Variants in ATP1A3 observed in about 807,000 individuals in gnomAD.
ATP1A3 encodes ATPase Na+/K+ transporting subunit alpha 3.
In ATP1A3, 12 loss-of-function variants were observed where a neutral mutation model predicts 108.8. That is an observed-to-expected ratio of 0.11 (90% CI 0.07 to 0.18). The LOEUF (loss-of-function observed/expected upper bound fraction) is 0.18, where lower values mean the gene tolerates loss of function less well. ATP1A3 is among the 10% of genes least tolerant of loss of function. The probability of loss-of-function intolerance (pLI) is 1.00; values close to 1 mark genes in which losing one functional copy is unlikely to be tolerated. For missense variants in ATP1A3, 498 were observed against 1,387.7 expected (o/e 0.36, Z 10.19); for synonymous variants, 539 against 564.5 (o/e 0.95, Z 0.64).
intron 1 of ATP1A3, chr19:41,993,154 A>AC: frequency 2.1e-5 from 1 of 47,648 alleles, no homozygotes; most frequent in Non-Finnish European, 4.4e-5. Flanking sequence ...ACCTACCCCC[A>AC]CCCACCCCCT....
rs782167048 is a variant in ATP1A3 at position 41,988,273 on chromosome 19, C to T, written c.153+45G>A. The stretch of plus-strand genomic sequence containing the variant: ...GACCCAGGGGTCCTAGCCCCCAGCT[C>T]CTCCTCCCTAGTTCCCAGGGTCCCA... On this transcript the variant is annotated intron_variant, in intron 3 of 22. Coordinates refer to ENST00000648268, the MANE Select transcript of ATP1A3 (RefSeq NM_152296.5). This position sits in a 1 kb window ranked among gnomAD's most constrained non-coding sequence, Gnocchi z 5.3. 12 of 1,613,822 alleles carry T rather than the reference C, an allele frequency of 7.4e-6. No individual in the cohort carries two copies. In the East Asian group the frequency reaches 2.2e-4, roughly 30 times the overall value.
rs1403260391 is a variant in ATP1A3 at position 41,981,057 on chromosome 19, C to A, written c.1437+445G>T. On this transcript the variant is annotated intron_variant, in intron 11 of 22. Coordinates refer to ENST00000648268, the MANE Select transcript of ATP1A3 (RefSeq NM_152296.5). The surrounding 1 kb of genome is among the most constrained non-coding windows in gnomAD (Gnocchi z 5.0). ...CTGTCACCCAGGCTGGAGTACAGTG[C>A]GTGATGTAGGCTCTCTGCAGCCCCA... Among the ~76,000 whole-genome samples, 1 of 149,714 alleles carries A rather than the reference C, an allele frequency of 6.7e-6. No individual in the cohort carries two copies. Among genetic ancestry groups the A allele is most frequent in the Non-Finnish European group, 1.5e-5 (1 of 67,574 alleles).
Position 41,969,536 on chromosome 19 carries a change from G to A in ATP1A3, c.2587C>T (p.Leu863=), listed in dbSNP as rs1555859316. 3 of 1,614,026 alleles carry A rather than the reference G, an allele frequency of 1.9e-6. No individual in the cohort carries two copies. Among genetic ancestry groups the A allele is most frequent in the Non-Finnish European group, 2.5e-6 (3 of 1,180,018 alleles). ...LGGFFSYFVI[L]AENGFLPGNL... is the part of the protein sequence containing the mutation. ...CCGGGCAAGAAGCCATTTTCTGCCAGGATCACAAAGTAAGAGAAGAAGCCA... is the reference window on the plus strand; with the variant it reads ...CCGGGCAAGAAGCCATTTTCTGCCAAGATCACAAAGTAAGAGAAGAAGCCA... Residue 863 remains leucine (L), a synonymous_variant, in exon 19 of 23, where the codon CTG becomes TTG. Transcript: ENST00000648268.
In ATP1A3 at chr19:41,978,368, G is replaced by A. The variant is rs782680588; in HGVS notation, c.1631-42C>T. On this transcript the variant is annotated intron_variant, in intron 12 of 22. Coordinates refer to ENST00000648268, the MANE Select transcript of ATP1A3 (RefSeq NM_152296.5). This position sits in a 1 kb window ranked among gnomAD's most constrained non-coding sequence, Gnocchi z 8.3. ...GTTGGGGTGTGAGGGTCCCAGCCTC[G>A]GAACCTCCGCCCCATGCCCCTAGAT... The A allele has an allele frequency of 9.6e-6, 15 of 1,563,830 alleles. No homozygotes were observed. The highest frequency in any genetic ancestry group is 1.2e-5 in the Non-Finnish European group (14 of 1,154,052).
intron 1 of ATP1A3, among the ~76,000 whole-genome samples, chr19:41,992,232 G>A (rs1555867698): frequency 6.6e-6 from 1 of 152,180 alleles, no homozygotes; most frequent in East Asian, 1.9e-4. Context: ...CCCTGGCCTT[G>A]GCTCCTGCTT....
In ATP1A3 at chr19:41,985,119, T is replaced by A. The variant is rs1555864883; in HGVS notation, c.792A>T (p.Ala264=). The stretch of plus-strand genomic sequence containing the variant: ...GCGTCTTGCCCACCTCCAGCCCTGA[T>A]GCCAGGGTGGCGATACGGCCCATGA... The part of the protein sequence containing the change: ...RTVMGRIATL[A]SGLEVGKTPI... The change falls in exon 8 of 23, where the codon GCA becomes GCT. Residue 264 remains alanine, a synonymous_variant. Transcript: ENST00000648268. This position sits in a 1 kb window ranked among gnomAD's most constrained non-coding sequence, Gnocchi z 8.2. 1 of 1,614,032 alleles carries A rather than the reference T, an allele frequency of 6.2e-7. No individual in the cohort carries two copies. Among genetic ancestry groups the A allele is most frequent in the South Asian group, 1.1e-5 (1 of 91,054 alleles).
At chr19:41,982,617 C>T (rs1216287959) in intron 8 of ATP1A3, among the ~76,000 whole-genome samples, 1 of 150,914 alleles carries the variant, frequency 6.6e-6, no homozygotes, top group South Asian at 2.1e-4. Context: ...CAGAGTGAGA[C>T]TCCAACTCAA....
At chr19:41,993,894 C>T in intron 1 of ATP1A3, 177 bp downstream of exon 1, 1 of 1,219,866 alleles carries the variant, frequency 8.2e-7, no homozygotes, top group Non-Finnish European at 1.1e-6. Flanking sequence ...CACAGACCCC[C>T]CGCCGCCCCC....
chr19:41,967,083 C>G lies in ATP1A3; in HGVS notation c.3014-118G>C. The G allele has an allele frequency of 1.9e-6, 3 of 1,551,920 alleles. No homozygotes were observed. Among genetic ancestry groups the G allele is most frequent in the Non-Finnish European group, 2.6e-6 (3 of 1,147,180 alleles). On this transcript the variant is annotated intron_variant, in intron 22 of 22. Coordinates refer to ENST00000648268, the MANE Select transcript of ATP1A3 (RefSeq NM_152296.5). The surrounding 1 kb of genome is among the most constrained non-coding windows in gnomAD (Gnocchi z 4.2). ...GAGAGAGACAAGGAAACCACACAGACAGAGACCCGTGAGAAGACAGAGTGG... is the reference window on the plus strand; with the variant it reads ...GAGAGAGACAAGGAAACCACACAGAGAGAGACCCGTGAGAAGACAGAGTGG...
chr19:41,978,243 T>C lies in ATP1A3; in HGVS notation c.1714A>G (p.Asn572Asp), dbSNP rs782415633. The change falls in exon 13 of 23, where the codon AAC (asparagine) becomes GAC (aspartate). Residue 572 changes from asparagine to aspartate, a missense_variant. Transcript: ENST00000648268. This position sits in a 1 kb window ranked among gnomAD's most constrained non-coding sequence, Gnocchi z 8.3. ...DCDDVNFTTDNLCFVGLMSMI... is the reference protein window; with the variant it reads ...DCDDVNFTTDDLCFVGLMSMI... ...GACATGAGGCCCACAAAGCAGAGGT[T>C]GTCCGTGGTGAAGTTCACGTCATCA... The C allele has an allele frequency of 1.9e-4, 304 of 1,613,978 alleles. No individual in the cohort carries two copies. The highest frequency in any genetic ancestry group is 2.4e-4 in the Non-Finnish European group (282 of 1,180,000).
Position 41,968,771 on chromosome 19 carries a change from C to T in ATP1A3, c.2819+14G>A, listed in dbSNP as rs2075070788. 5 of 1,612,886 alleles carry T rather than the reference C, an allele frequency of 3.1e-6. No homozygotes were observed. Among genetic ancestry groups the T allele is most frequent in the Non-Finnish European group, 4.2e-6 (5 of 1,179,142 alleles). ...CAGATGGCTGTCCAGTCACCATGTG[C>T]CCCCGGCCCTCACTTCATGCCCTGC... On this transcript the variant is annotated intron_variant, in intron 20 of 22. Transcript: ENST00000648268. The surrounding 1 kb of genome is among the most constrained non-coding windows in gnomAD (Gnocchi z 5.0).
Position 41,985,843 on chromosome 19 carries a change from G to A in ATP1A3, c.606+21C>T, listed in dbSNP as rs369349374. ...GGGCAGCCCGAGGGAGGGTAAAGCC[G>A]GGCCCTAGGCCCAGGCCCACCTTGC... is the stretch of plus-strand genomic sequence containing the variant. On this transcript the variant is annotated intron_variant, in intron 6 of 22. Transcript: ENST00000648268. The surrounding 1 kb of genome is among the most constrained non-coding windows in gnomAD (Gnocchi z 8.2). 37 of 1,613,164 alleles carry A rather than the reference G, an allele frequency of 2.3e-5. No individual in the cohort carries two copies. The highest frequency in any genetic ancestry group is 1.3e-4 in the South Asian group (12 of 91,068).
Position 41,981,682 on chromosome 19 carries a change from A to G in ATP1A3, c.1302+40T>C. The G allele has an allele frequency of 6.2e-7, 1 of 1,614,146 alleles. No homozygotes were observed. Among genetic ancestry groups the G allele is most frequent in the Non-Finnish European group, 8.5e-7 (1 of 1,180,008 alleles). ...CAGAACAGGGACAGCTGAGGGGAGG[A>G]CACAGGCAGGGCCGAGGTGAGGCCA... On this transcript the variant is annotated intron_variant, in intron 10 of 22. Transcript: ENST00000648268. This position sits in a 1 kb window ranked among gnomAD's most constrained non-coding sequence, Gnocchi z 5.0.
intron 19 of ATP1A3, 103 bp downstream of exon 19, chr19:41,969,332 G>A: frequency 1.3e-6 from 2 of 1,580,712 alleles, no homozygotes; most frequent in South Asian, 2.2e-5. Flanking sequence ...ATGCTGCCAT[G>A]GGAGACTGAG....
At chr19:41,969,277 G>A (rs953791695) in intron 19 of ATP1A3, among the ~76,000 whole-genome samples, 158 bp downstream of exon 19, 1 of 152,128 alleles carries the variant, frequency 6.6e-6, no homozygotes, top group Non-Finnish European at 1.5e-5. Context: ...AGATGGGCTG[G>A]GCCAAGGGCA....
At chr19:41,972,871 A>AGGC (rs1568856444) in intron 16 of ATP1A3, among the ~76,000 whole-genome samples, 2,274 of 133,158 alleles carry the variant, frequency 0.017, 140 homozygotes, top group African/African-American at 0.063. Context: ...AGAAGGAAGG[A>AGGC]AGGCAGGCAG....
intron 18 of ATP1A3, 102 bp from the exon 19 acceptor site, chr19:41,969,682 A>G (rs782132105): frequency 4.1e-6 from 6 of 1,466,054 alleles, no homozygotes; most frequent in Non-Finnish European, 5.7e-6. Flanking sequence ...AGAGGGGAGT[A>G]TGCCCTCCTG....
Position 41,978,316 on chromosome 19 carries a change from A to G in ATP1A3, c.1641T>C (p.His547=). The G allele has an allele frequency of 6.2e-7, 1 of 1,602,650 alleles. No individual in the cohort carries two copies. Among genetic ancestry groups the G allele is most frequent in the Non-Finnish European group, 8.5e-7 (1 of 1,175,044 alleles). The part of the protein sequence containing the change: ...GLGERVLGFC[H]YYLPEEQFPK... ...GGAACTGCTCCTCGGGCAGGTAATA[A>G]TGGCAGAAACCTAGTGGCAGGGAAG... The change falls in exon 13 of 23, where the codon CAT becomes CAC. Residue 547 remains histidine, a synonymous_variant. Transcript: ENST00000648268. The surrounding 1 kb of genome is among the most constrained non-coding windows in gnomAD (Gnocchi z 8.3).
chr19:41,990,682 A>G (rs1444086671), intron 1 of ATP1A3, among the ~76,000 whole-genome samples: 5 of 149,070 alleles, frequency 3.4e-5, no homozygotes, highest in South Asian at 2.1e-4. Flanking sequence ...GTCCATATAT[A>G]TATATATATA....
Sources: gnomAD v4.1 joint callset for allele counts (sites outside exome capture counted in the v4.1 genomes callset) on GRCh38, gnomAD v4.1.1 for gene constraint, Gnocchi (gnomAD v3.1) non-coding constraint, MANE v1.5 for transcripts, NCBI Gene and HGNC (gene_info 2026-07-23, HGNC 2026-07-21) for gene names.